RBFOX2: variants seen among roughly 807,000 people sequenced by gnomAD.
RBFOX2 encodes the protein RNA binding fox-1 homolog 2.
In RBFOX2, 10 loss-of-function variants were observed where a neutral mutation model predicts 49.1. That is an observed-to-expected ratio of 0.20 (90% confidence interval 0.13 to 0.35). RBFOX2 has a LOEUF of 0.35. Among genes scored for constraint, RBFOX2 ranks in the 10% least tolerant of loss-of-function variants. The pLI, the probability that RBFOX2 is intolerant of heterozygous loss-of-function variation, is 1.00. For missense variants in RBFOX2, 323 were observed against 486.9 expected, an observed-to-expected ratio of 0.66 and a Z score of 3.17; for synonymous variants, 183 against 187.4, an observed-to-expected ratio of 0.98 and a Z score of 0.19.
chr22:35,971,989 C>T (rs1409248549), intron 1 of RBFOX2, among the ~76,000 whole-genome samples: 2 of 150,864 alleles, frequency 1.3e-5, no homozygotes, highest in African/African-American at 4.9e-5. Context: ...CCTTCTCATC[C>T]CTTCCTTCCA....
chr22:35,752,202 A>G lies in RBFOX2; in HGVS notation c.888-5641T>C, dbSNP rs747641594. Among the ~76,000 whole-genome samples the G allele has an allele frequency of 1.8e-3, 273 of 152,314 alleles. 5 individuals carry two copies. Among genetic ancestry groups the G allele is most frequent in the Non-Finnish European group, 1.6e-4 (11 of 68,026 alleles). On this transcript the variant is annotated intron_variant, in intron 9 of 11. Transcript: ENST00000405409. ...GCCCAATGTGGGATTCAGAAATCCT[A>G]TTTGTACAGTTCTACTTCCTCTTTT... is the stretch of plus-strand genomic sequence containing the variant.
intron 1 of RBFOX2, among the ~76,000 whole-genome samples, chr22:35,862,296 C>T (rs1325759280): frequency 2.0e-5 from 3 of 147,386 alleles, no homozygotes; most frequent in Non-Finnish European, 3.0e-5. Context: ...ATACCTCCAT[C>T]GAGTTGTTAA....
At chr22:35,761,220 T>C in exon 8 of RBFOX2, 1 of 1,613,930 alleles carries the variant, frequency 6.2e-7, no homozygotes, top group Non-Finnish European at 8.5e-7. Flanking sequence ...GGAATGTAAG[T>C]GTTGATACCC....
chr22:36,027,686 A>G (rs1035809074), intron 1 of RBFOX2, among the ~76,000 whole-genome samples: 5 of 152,068 alleles, frequency 3.3e-5, no homozygotes, highest in Non-Finnish European at 7.4e-5. Flanking sequence ...AACATTACCA[A>G]ACTCCTTGTA....
rs58254412 is a variant in RBFOX2 at position 35,810,188 on chromosome 22, GACACACACACACACAC to G, written c.28-200_28-185del. ...ACACATAGATATATGTATGTGGACA[GACACACACACACACAC>G]ACACACACACACACACACACTCACT... is the stretch of plus-strand genomic sequence containing the variant. On this transcript the variant is annotated intron_variant, in intron 1 of 11. Coordinates refer to ENST00000405409, the Ensembl canonical transcript of RBFOX2. Among the ~76,000 whole-genome samples, 70 of 142,704 alleles carry G rather than the reference GACACACACACACACAC, an allele frequency of 4.9e-4. 1 individual carries two copies. Among genetic ancestry groups the G allele is most frequent in the Admixed American group, 1.3e-3 (18 of 14,166 alleles). The allele number at this position is 142,704 out of a possible 152,430, so 93.6% of individuals were successfully genotyped here. A position where few individuals can be genotyped will look rare whatever the true frequency, so the allele number is the denominator to read the frequency against.
chr22:35,811,460 C>T (rs1284105199), intron 1 of RBFOX2, among the ~76,000 whole-genome samples: 4 of 152,192 alleles, frequency 2.6e-5, no homozygotes, highest in Non-Finnish European at 4.4e-5. Flanking sequence ...GCATGACCAT[C>T]TACAAGCCAA....
In RBFOX2 at chr22:35,899,415, TA is replaced by T. The variant is rs532154502; in HGVS notation, c.-34+39431del. 2.1e-3 allele frequency among the ~76,000 whole-genome samples: 316 copies of T among 152,000 alleles called. 1 individual carries two copies. Among genetic ancestry groups the T allele is most frequent in the Admixed American group, 3.5e-3 (53 of 15,282 alleles). On this transcript the variant is annotated intron_variant, in intron 1 of 13. Coordinates refer to the RBFOX2 transcript ENST00000359369. ...CTATTTCTTTTCTGATCATAATCTT[TA>T]AAATTAGGTGGTCAGTCTGGTCAGA... is the stretch of plus-strand genomic sequence containing the variant.
intron 1 of RBFOX2, among the ~76,000 whole-genome samples, chr22:35,814,934 A>T (rs1952722801): frequency 6.6e-6 from 1 of 151,950 alleles, no homozygotes; most frequent in South Asian, 2.1e-4. Context: ...ACAGTCATCC[A>T]ATTTCCCACC....
At chr22:35,982,095 T>C (rs566330775) in intron 1 of RBFOX2, among the ~76,000 whole-genome samples, 1 of 152,126 alleles carries the variant, frequency 6.6e-6, no homozygotes, top group Non-Finnish European at 1.5e-5. Flanking sequence ...TCTCTCTCCA[T>C]GCAGGTGGGC....
chr22:36,014,030 T>G (rs2058936237), intron 1 of RBFOX2, among the ~76,000 whole-genome samples: 1 of 152,168 alleles, frequency 6.6e-6, no homozygotes, highest in South Asian at 2.1e-4. Context: ...GATAGGTTTT[T>G]TTTTTAATGT....
chr22:35,800,490 T>C (rs879724566), intron 2 of RBFOX2, among the ~76,000 whole-genome samples: 1 of 152,218 alleles, frequency 6.6e-6, no homozygotes, highest in Non-Finnish European at 1.5e-5. Flanking sequence ...TTCAATCAAG[T>C]AGAAACCTAT....
chr22:35,907,406 T>C (rs1033940010), intron 1 of RBFOX2, among the ~76,000 whole-genome samples: 3 of 152,226 alleles, frequency 2.0e-5, no homozygotes, highest in African/African-American at 4.8e-5. Flanking sequence ...AAATGATGGC[T>C]GAATCATCTA....
At chr22:35,745,364 C>A (rs936396613) in intron 11 of RBFOX2, among the ~76,000 whole-genome samples, 1 of 152,136 alleles carries the variant, frequency 6.6e-6, no homozygotes, top group Non-Finnish European at 1.5e-5. Context: ...GTTCTATGGA[C>A]TTCTTCGATA....
At chr22:35,845,165 T>TCACGG (rs2041017707), upstream of RBFOX2, among the ~76,000 whole-genome samples, 2 of 152,094 alleles carry the variant, frequency 1.3e-5, no homozygotes, top group Admixed American at 6.6e-5. Context: ...TAAAGGCTCT[T>TCACGG]CACGGCACGC....
upstream of RBFOX2, among the ~76,000 whole-genome samples, chr22:35,841,794 T>C (rs1029716550): frequency 6.6e-6 from 1 of 152,208 alleles, no homozygotes; most frequent in African/African-American, 2.4e-5. Context: ...AAAATAAACA[T>C]CTACAGAAAT....
intron 1 of RBFOX2, among the ~76,000 whole-genome samples, chr22:35,933,132 C>G (rs972644846): frequency 2.0e-5 from 3 of 152,136 alleles, no homozygotes; most frequent in Admixed American, 6.5e-5. Flanking sequence ...GACATGGAGG[C>G]TGAAAATCGG....
At chr22:35,825,473 T>C (rs1955464088) in intron 1 of RBFOX2, among the ~76,000 whole-genome samples, 2 of 151,976 alleles carry the variant, frequency 1.3e-5, no homozygotes, top group South Asian at 4.2e-4. Flanking sequence ...CTGTATTCTT[T>C]ATATTATACT....
chr22:35,920,399 T>C (rs1003906405), intron 1 of RBFOX2, among the ~76,000 whole-genome samples: 2 of 152,310 alleles, frequency 1.3e-5, no homozygotes, highest in Admixed American at 1.3e-4. Flanking sequence ...TCACCATCAG[T>C]ATTCCTATTT....
intron 1 of RBFOX2, among the ~76,000 whole-genome samples, chr22:35,847,872 T>C (rs2041417021): frequency 1.3e-5 from 2 of 152,118 alleles, no homozygotes; most frequent in South Asian, 2.1e-4. Context: ...GGAAAATTCA[T>C]CTTATTATGA....
Sources: allele counts gnomAD v4.1 joint callset (sites outside exome capture counted in the v4.1 genomes callset), GRCh38; gene constraint gnomAD v4.1.1; transcripts MANE v1.5; gene names NCBI Gene and HGNC (gene_info 2026-07-23, HGNC 2026-07-21).